PCDHA2: variants seen among roughly 807,000 people sequenced by gnomAD.
The protein encoded by PCDHA2 is protocadherin alpha 2.
In PCDHA2, 58 loss-of-function variants were observed where a neutral mutation model predicts 66.0. That is an observed-to-expected ratio of 0.88 (90% CI 0.71 to 1.09). PCDHA2 has a LOEUF of 1.09. Among genes scored for constraint, PCDHA2 ranks in the 50% least tolerant of loss-of-function variants. PCDHA2 has a pLI of 0.00. For missense variants in PCDHA2, 1,267 were observed against 1,242.3 expected, an observed-to-expected ratio of 1.02 and a Z score of -0.30; for synonymous variants, 634 against 554.0, an observed-to-expected ratio of 1.14 and a Z score of -2.03.
At chr5:140,891,937 C>G (rs1168665111) in intron 1 of PCDHA2, among the ~76,000 whole-genome samples, 3 of 152,166 alleles carry the variant, frequency 2.0e-5, no homozygotes, top group Admixed American at 2.0e-4. Context: ...CTTGGACTTC[C>G]CCTAGGCTCC....
intron 1 of PCDHA2, chr5:140,835,259 G>A (rs1773539388): frequency 1.9e-6 from 3 of 1,607,888 alleles, no homozygotes. Context: ...TAAAATCCAA[G>A]TTCCACATGG....
chr5:140,825,737 A>G (rs1768691911), intron 1 of PCDHA2: 1 of 152,398 alleles, frequency 6.6e-6, no homozygotes, highest in Admixed American at 6.5e-5. Context: ...TATTATATTG[A>G]TGAGGAGTAA....
At chr5:140,908,662 G>C (rs1489476593) in intron 1 of PCDHA2, among the ~76,000 whole-genome samples, 4 of 152,114 alleles carry the variant, frequency 2.6e-5, no homozygotes, top group Non-Finnish European at 4.4e-5. Context: ...CCTGCCAAAG[G>C]CTCCAAATAG....
intron 1 of PCDHA2, chr5:140,866,572 G>A (rs1184209628): frequency 1.3e-5 from 2 of 152,168 alleles, no homozygotes; most frequent in Non-Finnish European, 2.9e-5. Context: ...TGTTAATACA[G>A]TGGTTGGATA....
rs782716439 is a variant in PCDHA2, at chr5:140,858,074, A to C, written c.2388+60722A>C. The stretch of plus-strand genomic sequence containing the variant: ...GCTTGTGGAGGGCAGCCAGGCACCC[A>C]AGGCCTCGTCGCGGGCTTCAGTGGG... On this transcript the variant is annotated intron_variant, in intron 1 of 3. Coordinates refer to ENST00000526136, the MANE Select transcript of PCDHA2 (RefSeq NM_018905.3). 3 of 1,597,526 alleles carry C rather than the reference A, an allele frequency of 1.9e-6. No homozygotes were observed. The African/African-American group carries it at 4.0e-5, about 21-fold the overall frequency.
chr5:141,005,798 C>T (rs1236554438), intron 3 of PCDHA2, among the ~76,000 whole-genome samples: 1 of 143,634 alleles, frequency 7.0e-6, no homozygotes, highest in African/African-American at 2.6e-5. Context: ...GCAAAAACAA[C>T]TCCAAGGAGC....
intron 1 of PCDHA2, among the ~76,000 whole-genome samples, chr5:140,961,983 A>C (rs941028423): frequency 1.3e-5 from 2 of 151,532 alleles, no homozygotes; most frequent in Non-Finnish European, 2.9e-5. Context: ...TCCTGGGTTC[A>C]CGCCATTGTC....
chr5:140,964,759 G>T (rs1419505922), intron 1 of PCDHA2, among the ~76,000 whole-genome samples: 6 of 151,804 alleles, frequency 4.0e-5, no homozygotes, highest in Non-Finnish European at 7.4e-5. Context: ...GATGTTTGGG[G>T]AGGATGCAGA....
In PCDHA2 at chr5:140,830,255, C is replaced by T. The variant is rs142209596; in HGVS notation, c.2388+32903C>T. ...CACGCTACTGCTGTACACAGCGCTG[C>T]GGTGCTCGGCGCCACCCACCGAGGG... On this transcript the variant is annotated intron_variant, in intron 1 of 3. Coordinates refer to ENST00000526136, the MANE Select transcript of PCDHA2 (RefSeq NM_018905.3). 24 of 1,613,502 alleles carry T rather than the reference C, an allele frequency of 1.5e-5. No homozygotes were observed. In the South Asian group the frequency reaches 1.6e-4, roughly 11 times the overall value.
intron 1 of PCDHA2, among the ~76,000 whole-genome samples, chr5:140,896,345 C>T (rs113477424): frequency 0.12 from 18,881 of 152,098 alleles, 1,242 homozygotes; most frequent in Middle Eastern, 0.19. Flanking sequence ...TTTATATTCC[C>T]GCCAGCAGTG....
chr5:140,799,046 A>G (rs1219973216), intron 1 of PCDHA2, among the ~76,000 whole-genome samples: 1 of 152,214 alleles, frequency 6.6e-6, no homozygotes, highest in Admixed American at 6.5e-5. Context: ...TTCTAAAATT[A>G]TATTCACATA....
chr5:140,849,660 C>G (rs2041023883), intron 1 of PCDHA2: 1 of 1,598,636 alleles, frequency 6.3e-7, no homozygotes, highest in Admixed American at 1.7e-5. Context: ...TACCTGCTCC[C>G]TGACGCCCCA....
chr5:140,886,328 C>T (rs1554182483), intron 1 of PCDHA2, among the ~76,000 whole-genome samples: 1 of 151,922 alleles, frequency 6.6e-6, no homozygotes, highest in African/African-American at 2.4e-5. Context: ...TTCTGGGATA[C>T]ATGTGCAGAA....
chr5:140,850,520 G>A (rs2150487404), intron 1 of PCDHA2: 1 of 1,598,300 alleles, frequency 6.3e-7, no homozygotes, highest in South Asian at 1.1e-5. Context: ...GCGGCCAGGC[G>A]CCAAAGTCAT....
chr5:140,939,037 T>C (rs1295630675), intron 1 of PCDHA2, among the ~76,000 whole-genome samples: 2 of 152,212 alleles, frequency 1.3e-5, no homozygotes, highest in African/African-American at 4.8e-5. Context: ...TCGGAAGAGT[T>C]GTCTTAGTCC....
Position 140,795,129 on chromosome 5 carries a change from G to T in PCDHA2, c.165G>T (p.Glu55Asp). The T allele has an allele frequency of 6.2e-7, 1 of 1,614,028 alleles. No individual in the cohort carries two copies. The highest frequency in any genetic ancestry group is 8.5e-7 in the Non-Finnish European group (1 of 1,180,034). The change falls in exon 1 of 4, where the codon GAG becomes GAT. Residue 55 changes from glutamate to aspartate, a missense_variant. Physicochemically the swap from Glu to Asp is conservative, Grantham distance 45. Coordinates refer to ENST00000526136, the MANE Select transcript of PCDHA2 (RefSeq NM_018905.3). The stretch of plus-strand genomic sequence containing the variant: ...GCATCGCGCAGGACCTGGGGCTGGA[G>T]CTGGAGGAGCTGGTGCCGCGCCTGT... ...VGRIAQDLGL[E>D]LEELVPRLFR...
chr5:140,901,249 C>T (rs1554189685), intron 1 of PCDHA2, among the ~76,000 whole-genome samples: 1 of 151,994 alleles, frequency 6.6e-6, no homozygotes, highest in Admixed American at 6.6e-5. Flanking sequence ...TCCTTTGGTT[C>T]CCTGTGATTG....
chr5:140,842,246 G>C (rs1289361551), intron 1 of PCDHA2: 13 of 1,611,852 alleles, frequency 8.1e-6, no homozygotes, highest in Non-Finnish European at 1.1e-5. Flanking sequence ...GGGTAATTTG[G>C]ATTTTGAACA....
At chr5:140,955,692 T>A (rs1021752704) in intron 1 of PCDHA2, among the ~76,000 whole-genome samples, 1 of 152,196 alleles carries the variant, frequency 6.6e-6, no homozygotes, top group African/African-American at 2.4e-5. Context: ...CTGTGATGAA[T>A]GTCAATGGAA....
Sources: gnomAD v4.1 joint callset for allele counts (sites outside exome capture counted in the v4.1 genomes callset) on GRCh38, gnomAD v4.1.1 for gene constraint, MANE v1.5 for transcripts, NCBI Gene and HGNC (gene_info 2026-07-23, HGNC 2026-07-21) for gene names.